The following WT1 variants were observed in gnomAD, a reference collection of about 807,000 sequenced individuals.
WT1 encodes WT1 transcription factor.
WT1 carries 8 observed loss-of-function variants against 60.8 expected under a neutral mutation model. The ratio of observed to expected loss-of-function variants is 0.13; its 90% CI spans 0.08 to 0.24. The LOEUF is 0.24. Ranked by LOEUF, WT1 falls within the 10% of genes least tolerant of loss-of-function variation. WT1 has a pLI of 1.00. For missense variants in WT1, 568 were observed against 711.8 expected (o/e 0.80, Z 2.30); for synonymous variants, 312 against 297.1 (o/e 1.05, Z -0.52).
At chr11:32,390,986 T>C (rs1851800044) in intron 9 of WT1, among the ~76,000 whole-genome samples, 1 of 152,040 alleles carries the variant, frequency 6.6e-6, no homozygotes, top group Admixed American at 6.6e-5. Context: ...TGTTTTGTTT[T>C]GTTTTGTTTT....
chr11:32,407,859 T>G (rs1216375535), intron 5 of WT1, among the ~76,000 whole-genome samples: 1 of 151,104 alleles, frequency 6.6e-6, no homozygotes, highest in East Asian at 1.9e-4. Context: ...TACATTTACC[T>G]AAAAAAGAAA....
At chr11:32,428,122 G>T (rs1853125245) in intron 2 of WT1, 64 bp from the exon 3 acceptor site, 2 of 1,431,528 alleles carry the variant, frequency 1.4e-6, no homozygotes, top group African/African-American at 2.8e-5. Flanking sequence ...CGAGGCTGCG[G>T]GCAGGGGTTG....
rs767103760 is a variant in WT1 at position 32,389,038 on chromosome 11, C to T, written c.*20G>A. 2.9e-5 allele frequency: 46 copies of T among 1,613,970 alleles called. No individual in the cohort carries two copies. The highest frequency in any genetic ancestry group is 3.4e-5 in the Non-Finnish European group (40 of 1,179,960). ...ACACTGTGCTGCCTGGGACACTGAACGGTCCCCGAGGGAGACCCCTCAAAG... is the reference window on the plus strand; with the variant it reads ...ACACTGTGCTGCCTGGGACACTGAATGGTCCCCGAGGGAGACCCCTCAAAG... On this transcript the variant is annotated 3_prime_UTR_variant, in exon 10 of 10. Transcript: ENST00000452863.
chr11:32,430,491 A>AGAGAGAGG lies in WT1; in HGVS notation c.662-1873_662-1872insCCTCTCTC, dbSNP rs757737927. 19 of 1,561,410 alleles carry AGAGAGAGG rather than the reference A, an allele frequency of 1.2e-5. No individual in the cohort carries two copies. In the African/African-American group the frequency reaches 2.6e-4, roughly 21 times the overall value. ...GAGAGAGAGAGAGAGAGAGAGAGAG[A>AGAGAGAGG]CGAAATAGAAGCTACGAAGAAGTTT... On this transcript the variant is annotated intron_variant, in intron 1 of 9. Transcript: ENST00000452863.
intron 9 of WT1, among the ~76,000 whole-genome samples, chr11:32,390,424 G>A (rs991436027): frequency 1.9e-4 from 29 of 152,192 alleles, no homozygotes; most frequent in African/African-American, 6.5e-4. Flanking sequence ...CTTTGCCACC[G>A]AATTATGAGC....
chr11:32,427,873 G>T, intron 3 of WT1, 83 bp downstream of exon 3: 1 of 1,376,382 alleles, frequency 7.3e-7, no homozygotes, highest in Non-Finnish European at 9.9e-7. Flanking sequence ...GGGCTGCCCG[G>T]CTGGGGCGTT....
intron 7 of WT1, 90 bp from the exon 8 acceptor site, chr11:32,392,845 C>T: frequency 8.3e-7 from 1 of 1,206,398 alleles, no homozygotes; most frequent in Non-Finnish European, 1.2e-6. Context: ...TGAACAGATC[C>T]CAAAATGCCT....
intron 5 of WT1, among the ~76,000 whole-genome samples, chr11:32,409,909 T>C (rs919472067): frequency 2.0e-5 from 3 of 152,062 alleles, no homozygotes; most frequent in Admixed American, 2.0e-4. Context: ...TTTCCTCCTC[T>C]TTTTTTCCTT....
chr11:32,432,325 C>T (rs868056722), intron 1 of WT1, among the ~76,000 whole-genome samples: 6 of 152,186 alleles, frequency 3.9e-5, no homozygotes, highest in Non-Finnish European at 5.9e-5. Flanking sequence ...CCTTGCCTCT[C>T]ACAGCCCAAG....
At chr11:32,399,811 G>T (rs899486917) in intron 6 of WT1, 137 bp downstream of exon 6, 40 of 920,324 alleles carry the variant, frequency 4.3e-5, no homozygotes, top group Non-Finnish European at 8.6e-6. Context: ...ACGAGCAGGT[G>T]TCCCTGATGT....
intron 5 of WT1, among the ~76,000 whole-genome samples, chr11:32,405,150 G>T (rs1852269798): frequency 6.6e-6 from 1 of 152,108 alleles, no homozygotes; most frequent in Admixed American, 6.6e-5. Flanking sequence ...CGACCCTAAA[G>T]AATGAGACGA....
chr11:32,407,678 G>C (rs1366338520), intron 5 of WT1, among the ~76,000 whole-genome samples: 1 of 152,056 alleles, frequency 6.6e-6, no homozygotes, highest in Middle Eastern at 3.2e-3. Context: ...TCGATACTCA[G>C]GGCTCATACG....
intron 5 of WT1, among the ~76,000 whole-genome samples, chr11:32,408,265 C>G (rs1352373676): frequency 6.6e-6 from 1 of 150,428 alleles, no homozygotes; most frequent in African/African-American, 2.4e-5. Context: ...GTAATCCCAG[C>G]ACTTTGGGAG....
chr11:32,431,778 C>T (rs1361839501), intron 1 of WT1, among the ~76,000 whole-genome samples: 2 of 152,068 alleles, frequency 1.3e-5, no homozygotes, highest in African/African-American at 2.4e-5. Flanking sequence ...AAGTCCTCAC[C>T]CCACATCTGC....
chr11:32,425,560 G>A (rs910831654), intron 3 of WT1, among the ~76,000 whole-genome samples: 9 of 152,154 alleles, frequency 5.9e-5, no homozygotes, highest in African/African-American at 2.2e-4. Flanking sequence ...TCCTACACCT[G>A]CCCATTCATC....
intron 3 of WT1, among the ~76,000 whole-genome samples, chr11:32,426,194 G>A (rs1422812512): frequency 6.6e-6 from 1 of 152,018 alleles, no homozygotes; most frequent in Non-Finnish European, 1.5e-5. Flanking sequence ...CTCCCATATC[G>A]ACAGTGCCCA....
intron 1 of WT1, among the ~76,000 whole-genome samples, chr11:32,429,899 G>C (rs954217340): frequency 6.6e-6 from 1 of 151,258 alleles, no homozygotes; most frequent in Admixed American, 6.6e-5. Context: ...CAGCCGATGA[G>C]CAGGACCCAG....
chr11:32,421,295 A>G (rs138538148), intron 3 of WT1, among the ~76,000 whole-genome samples: 70 of 152,280 alleles, frequency 4.6e-4, no homozygotes, highest in African/African-American at 1.7e-3. Context: ...TTACTCAATA[A>G]CCACTGTAGG....
intron 5 of WT1, among the ~76,000 whole-genome samples, chr11:32,412,110 G>A (rs1346562241): frequency 6.6e-6 from 1 of 152,158 alleles, no homozygotes; most frequent in African/African-American, 2.4e-5. Context: ...GAGCCCGCGA[G>A]GGAAGGTGCT....
Sources: allele counts gnomAD v4.1 joint callset (sites outside exome capture counted in the v4.1 genomes callset), GRCh38; gene constraint gnomAD v4.1.1; transcripts MANE v1.5; gene names NCBI Gene and HGNC (gene_info 2026-07-23, HGNC 2026-07-21).